BICC1: variants seen among roughly 807,000 people sequenced by gnomAD.
BICC1 encodes protein bicaudal C homolog 1.
A neutral mutation model predicts 111.0 loss-of-function variants in BICC1; 43 were observed. The observed-to-expected ratio is 0.39, with a 90% CI of 0.30 to 0.50. The LOEUF (loss-of-function observed/expected upper bound fraction) is 0.50. BICC1 is among the 20% of genes least tolerant of loss of function. The probability of loss-of-function intolerance (pLI) is 0.88; values close to 1 mark genes in which losing one functional copy is unlikely to be tolerated. For missense variants in BICC1, 1,091 were observed against 1,203.2 expected (o/e 0.91, Z 1.38); for synonymous variants, 467 against 434.4 (o/e 1.07, Z -0.93).
intron 1 of BICC1, among the ~76,000 whole-genome samples, chr10:58,559,507 G>A (rs534047206): frequency 6.6e-5 from 10 of 152,166 alleles, no homozygotes; most frequent in African/African-American, 2.4e-4. Context: ...GGAGACTTTA[G>A]GTTTTTCTGT....
At chr10:58,515,203 AAT>A (rs568749340) in intron 1 of BICC1, among the ~76,000 whole-genome samples, 2 of 152,358 alleles carry the variant, frequency 1.3e-5, no homozygotes, top group South Asian at 4.1e-4. Flanking sequence ...GCTTTGCAGT[AAT>A]AGTTTCTTTT....
chr10:58,674,163 C>T (rs952124757), intron 2 of BICC1, among the ~76,000 whole-genome samples: 1 of 152,212 alleles, frequency 6.6e-6, no homozygotes, highest in Admixed American at 6.5e-5. Flanking sequence ...AGCATTTGCA[C>T]GTGATAGCTG....
intron 1 of BICC1, among the ~76,000 whole-genome samples, chr10:58,582,776 C>A (rs1330693982): frequency 6.6e-6 from 1 of 152,292 alleles, no homozygotes; most frequent in African/African-American, 2.4e-5. Context: ...GCTCCTTCCT[C>A]CATTTTTAAA....
intron 2 of BICC1, among the ~76,000 whole-genome samples, chr10:58,644,926 G>A (rs1838221816): frequency 6.6e-6 from 1 of 151,948 alleles, no homozygotes; most frequent in African/African-American, 2.4e-5. Context: ...TTAAATACCG[G>A]TTCTTAATAA....
intron 1 of BICC1, among the ~76,000 whole-genome samples, chr10:58,584,251 C>A (rs1355440473): frequency 3.3e-5 from 5 of 152,156 alleles, no homozygotes; most frequent in Non-Finnish European, 7.3e-5. Flanking sequence ...TTATTTTACA[C>A]CTTCTGTCTT....
intron 3 of BICC1, among the ~76,000 whole-genome samples, chr10:58,763,226 T>C (rs1341940274): frequency 6.6e-6 from 1 of 152,214 alleles, no homozygotes; most frequent in East Asian, 1.9e-4. Context: ...TGGTAGTTAC[T>C]TTAAAAATAT....
chr10:58,788,883 C>T lies in BICC1; in HGVS notation c.601-379C>T, dbSNP rs367982184. Among the ~76,000 whole-genome samples the T allele has an allele frequency of 9.2e-5, 14 of 152,190 alleles. No individual in the cohort carries two copies. In the South Asian group the frequency reaches 1.2e-3, roughly 14 times the overall value. ...GGAGGATCACTTGAGGCCTGGAGTT[C>T]GTGACCAGCCTGGACAACATAGCAA... On this transcript the variant is annotated intron_variant, in intron 6 of 20. Coordinates refer to ENST00000373886, the MANE Select transcript of BICC1 (RefSeq NM_001080512.3).
At position 58,807,138 on chromosome 10, in the gene BICC1, A is replaced by C. The variant is rs1245292422; in HGVS notation, c.2356A>C (p.Thr786Pro). Residue 786 changes from threonine to proline, a missense_variant, in exon 17 of 21, where the codon ACA becomes CCA. By Grantham distance (38) the Thr-to-Pro change is conservative (BLOSUM62 -1). This residue lies in a region of BICC1 where 231 missense variants were observed against 256.2 expected (regional missense o/e 0.90). Coordinates refer to ENST00000373886, the MANE Select transcript of BICC1 (RefSeq NM_001080512.3). ...RRANHVSYKP[T>P]MTTTYEGSSM... ...GGCCAATCATGTGTCCTATAAGCCC[A>C]CAATGACAACCACTTATGAGGTTTG... The C allele has an allele frequency of 1.2e-6, 2 of 1,613,668 alleles. No individual in the cohort carries two copies. Among genetic ancestry groups the C allele is most frequent in the Admixed American group, 1.7e-5 (1 of 59,938 alleles).
chr10:58,586,844 T>TGA (rs1844447356), intron 1 of BICC1, among the ~76,000 whole-genome samples: 1 of 152,146 alleles, frequency 6.6e-6, no homozygotes, highest in African/African-American at 2.4e-5. Context: ...TGTAAATCAA[T>TGA]GAGCTCATTG....
intron 3 of BICC1, among the ~76,000 whole-genome samples, chr10:58,711,910 G>A (rs1840588226): frequency 6.6e-6 from 1 of 150,538 alleles, no homozygotes; most frequent in Admixed American, 6.7e-5. Context: ...AACATCAACA[G>A]AAAGACAAGC....
At chr10:58,802,889 ACTTC>A (rs1843593272) in intron 14 of BICC1, among the ~76,000 whole-genome samples, 184 bp from the exon 15 acceptor site, 1 of 152,206 alleles carries the variant, frequency 6.6e-6, no homozygotes. Context: ...TGGACAATAT[ACTTC>A]CTTCATCCAC....
chr10:58,589,310 G>C (rs1844528613), intron 1 of BICC1, among the ~76,000 whole-genome samples: 1 of 152,228 alleles, frequency 6.6e-6, no homozygotes, highest in African/African-American at 2.4e-5. Context: ...GCTTCTGGGG[G>C]AATCCAGTCT....
At chr10:58,784,437 G>A (rs1842956144) in intron 3 of BICC1, among the ~76,000 whole-genome samples, 1 of 151,956 alleles carries the variant, frequency 6.6e-6, no homozygotes, top group Non-Finnish European at 1.5e-5. Flanking sequence ...TTTTCTATTA[G>A]CCTTCACTGT....
intron 3 of BICC1, among the ~76,000 whole-genome samples, chr10:58,742,183 A>G (rs1327837486): frequency 6.6e-6 from 1 of 152,068 alleles, no homozygotes; most frequent in Non-Finnish European, 1.5e-5. Context: ...AAGTGCAAGT[A>G]TTACTTCACA....
At chr10:58,813,805 C>T (rs779895592) in intron 17 of BICC1, 25 bp from the exon 18 acceptor site, 3 of 1,607,206 alleles carry the variant, frequency 1.9e-6, no homozygotes, top group East Asian at 2.2e-5. Flanking sequence ...TAAATATTTC[C>T]TTATCTGGCT....
At chr10:58,743,512 T>G (rs1252472181) in intron 3 of BICC1, among the ~76,000 whole-genome samples, 1 of 151,838 alleles carries the variant, frequency 6.6e-6, no homozygotes, top group Non-Finnish European at 1.5e-5. Context: ...TTAGGTAAGT[T>G]TAAAGGAAAA....
chr10:58,734,878 A>G (rs1165518529), intron 3 of BICC1, among the ~76,000 whole-genome samples: 2 of 152,186 alleles, frequency 1.3e-5, no homozygotes, highest in Non-Finnish European at 2.9e-5. Context: ...AGCAGCAGAA[A>G]GAGTCAGCCT....
At chr10:58,825,710 A>G (rs1350935562) in intron 20 of BICC1, among the ~76,000 whole-genome samples, 2 of 152,176 alleles carry the variant, frequency 1.3e-5, no homozygotes, top group African/African-American at 4.8e-5. Context: ...ACTATATGAC[A>G]CTAATTTCCA....
Position 58,806,463 on chromosome 10 carries a change from C to T in BICC1, c.2182-121C>T, listed in dbSNP as rs186588129. On this transcript the variant is annotated intron_variant, in intron 15 of 20. Transcript: ENST00000373886. ...ATTTCTGTGGCATTATTGTGCAAAG[C>T]TTGGTGTATGTCTCAGGCAGATTCA... 1.1e-4 allele frequency: 91 copies of T among 820,392 alleles called. 1 individual carries two copies. Among genetic ancestry groups the T allele is most frequent in the Admixed American group, 7.1e-4 (33 of 46,538 alleles). 50.8% of individuals were successfully genotyped at this position (820,392 alleles called of 1,614,324 possible).
Sources: gnomAD v4.1 joint callset for allele counts (sites outside exome capture counted in the v4.1 genomes callset) on GRCh38, gnomAD v4.1.1 for gene constraint, gnomAD v4.1.1 regional missense constraint, MANE v1.5 for transcripts, NCBI Gene and HGNC (gene_info 2026-07-23, HGNC 2026-07-21) for gene names.